Variants in ZNF423 observed in about 807,000 individuals in gnomAD.
The protein encoded by ZNF423 is Ebf-associated zinc finger protein.
ZNF423 carries 12 observed loss-of-function variants against 95.8 expected under a neutral mutation model. The ratio of observed to expected loss-of-function variants is 0.13; its 90% CI spans 0.08 to 0.20. The LOEUF (loss-of-function observed/expected upper bound fraction) is 0.20, where lower values mean the gene tolerates loss of function less well. ZNF423 is among the 10% of genes least tolerant of loss of function. The pLI is 1.00. For synonymous variants in ZNF423, 749 were observed against 711.9 expected (o/e 1.05, Z -0.83); for missense variants, 1,316 against 1,737.1 (o/e 0.76, Z 4.31).
chr16:49,795,967 G>A (rs529313941), intron 1 of ZNF423, among the ~76,000 whole-genome samples: 30 of 152,262 alleles, frequency 2.0e-4, no homozygotes, highest in African/African-American at 5.1e-4. Flanking sequence ...CTTAGAGGGC[G>A]CCTGCTTGGT....
intron 7 of ZNF423, 41 bp downstream of exon 7, chr16:49,523,583 G>T: frequency 6.4e-7 from 1 of 1,553,760 alleles, no homozygotes. Flanking sequence ...GGGGAACCGA[G>T]GACCATCAGG....
In ZNF423 at chr16:49,525,375, C is replaced by T; in HGVS notation, c.3721G>A (p.Val1241Met). Residue 1241 changes from valine to methionine, a missense_variant, in exon 6 of 8, where the codon GTG becomes ATG. Val to Met is a conservative substitution (Grantham distance 21, BLOSUM62 1). Transcript: ENST00000563137. Reference sequence around the variant, plus strand: ...CTGGGTACCTTACCTGTGAAACACACGGGGCATTTGAAGGTGCCGCCCATG... The same window carrying T: ...CTGGGTACCTTACCTGTGAAACACATGGGGCATTTGAAGGTGCCGCCCATG... The part of the protein sequence containing the change: ...EGMGGTFKCP[V>M]CFTVFVQANK... 1.9e-6 allele frequency: 3 copies of T among 1,614,034 alleles called. No individual in the cohort carries two copies. Among genetic ancestry groups the T allele is most frequent in the East Asian group, 2.2e-5 (1 of 44,884 alleles).
chr16:49,823,269 T>C (rs1042373370), intron 1 of ZNF423, among the ~76,000 whole-genome samples: 1 of 152,246 alleles, frequency 6.6e-6, no homozygotes, highest in Non-Finnish European at 1.5e-5. Context: ...GGGCTTCTGT[T>C]CAGAGCAACC....
intron 7 of ZNF423, among the ~76,000 whole-genome samples, chr16:49,494,554 G>T (rs1967086593): frequency 6.6e-6 from 1 of 152,228 alleles, no homozygotes; most frequent in African/African-American, 2.4e-5. Flanking sequence ...GGGATTAATG[G>T]TGCAGCTGGC....
At chr16:49,700,349 T>C (rs1332045712) in intron 3 of ZNF423, among the ~76,000 whole-genome samples, 1 of 152,120 alleles carries the variant, frequency 6.6e-6, no homozygotes, top group Non-Finnish European at 1.5e-5. Context: ...CTCCCTGCCC[T>C]CTCCGTCTCC....
Position 49,637,944 on chromosome 16 carries a change from C to G in ZNF423, c.1232G>C (p.Gly411Ala), listed in dbSNP as rs751726178. The G allele has an allele frequency of 6.2e-7, 1 of 1,614,118 alleles. No homozygotes were observed. The highest frequency in any genetic ancestry group is 8.5e-7 in the Non-Finnish European group (1 of 1,180,034). ...GQKKMRDDGQ[G>A]WTKVVYSCPY... Reference sequence around the variant, plus strand: ...GCAGCTATAGACCACCTTGGTCCAGCCCTGCCCGTCATCCCGCATCTTCTT... The same window carrying G: ...GCAGCTATAGACCACCTTGGTCCAGGCCTGCCCGTCATCCCGCATCTTCTT... Residue 411 changes from glycine to alanine, a missense_variant, in exon 4 of 8, where the codon GGC (glycine) becomes GCC (alanine). Physicochemically the swap from Gly to Ala is moderately conservative, Grantham distance 60 (BLOSUM62 0). Around this residue, in one of 6 missense-constraint regions of ZNF423, gnomAD observed 399 missense variants for 478.5 expected, o/e 0.83. Coordinates refer to ENST00000563137, the MANE Select transcript of ZNF423 (RefSeq NM_001379286.1). The surrounding 1 kb of genome is among the most constrained non-coding windows in gnomAD (Gnocchi z 5.6).
rs10597628 is a variant in ZNF423, at chr16:49,514,185, A to AACACACAC, written c.3849+9431_3849+9438dup. On this transcript the variant is annotated intron_variant, in intron 7 of 7. Coordinates refer to ENST00000563137, the MANE Select transcript of ZNF423 (RefSeq NM_001379286.1). ...AAATGCCAGCCTTTCCTGACCACCC[A>AACACACAC]ACACACACACACACACACACACACA... Among the ~76,000 whole-genome samples the AACACACAC allele has an allele frequency of 7.0e-3, 997 of 142,990 alleles. 15 individuals are homozygous for AACACACAC. Among genetic ancestry groups the AACACACAC allele is most frequent in the African/African-American group, 0.022 (822 of 37,288 alleles). The allele number at this position is 142,990 out of a possible 152,430, so 93.8% of individuals were successfully genotyped here.
chr16:49,522,313 G>A (rs1214155157), intron 7 of ZNF423, among the ~76,000 whole-genome samples: 3 of 152,176 alleles, frequency 2.0e-5, no homozygotes, highest in East Asian at 1.9e-4. Flanking sequence ...GAGAGAAGGT[G>A]GCGTGCATCA....
At chr16:49,516,843 G>A (rs1049455263) in intron 7 of ZNF423, among the ~76,000 whole-genome samples, 1 of 152,198 alleles carries the variant, frequency 6.6e-6, no homozygotes, top group African/African-American at 2.4e-5. Context: ...CCCCTCCAGG[G>A]ATCTAGCACC....
intron 1 of ZNF423, chr16:49,854,811 C>T (rs2035340879): frequency 2.0e-6 from 2 of 985,370 alleles, no homozygotes; most frequent in Non-Finnish European, 2.4e-6. Context: ...GAAAGCAAAG[C>T]GTGGAGACGA....
chr16:49,696,247 G>C (rs920640158), intron 3 of ZNF423, among the ~76,000 whole-genome samples: 3 of 152,200 alleles, frequency 2.0e-5, no homozygotes, highest in African/African-American at 7.2e-5. Context: ...AGGTAGAAAA[G>C]TCATTGCGAT....
At chr16:49,611,828 A>C (rs1971733671) in intron 5 of ZNF423, among the ~76,000 whole-genome samples, 1 of 152,038 alleles carries the variant, frequency 6.6e-6, no homozygotes, top group African/African-American at 2.4e-5. Flanking sequence ...TACAGACATC[A>C]AAAGAATAAT....
chr16:49,855,532 G>GCCGCCGCCGCCT lies in ZNF423; in HGVS notation c.40+202_40+203insAGGCGGCGGCGG, dbSNP rs1251033521. Reference sequence around the variant, plus strand: ...CCCCTCCGCCGCCGCCGCCGCCGCCGCCGCCTCCGCCTCCTGCTCCCGGCT... The same window carrying GCCGCCGCCGCCT: ...CCCCTCCGCCGCCGCCGCCGCCGCCGCCGCCGCCGCCTCCGCCTCCGCCTCCTGCTCCCGGCT... On this transcript the variant is annotated intron_variant, in intron 1 of 7. Transcript: ENST00000563137. The surrounding 1 kb of genome is among the most constrained non-coding windows in gnomAD (Gnocchi z 4.7). 2.7e-4 allele frequency among the ~76,000 whole-genome samples: 36 copies of GCCGCCGCCGCCT among 134,102 alleles called. No homozygotes were observed. Among genetic ancestry groups the GCCGCCGCCGCCT allele is most frequent in the African/African-American group, 6.2e-4 (24 of 38,654 alleles). 88.0% of individuals were successfully genotyped at this position (134,102 alleles called of 152,430 possible).
chr16:49,504,321 C>T (rs9930413), intron 7 of ZNF423, among the ~76,000 whole-genome samples: 68,639 of 152,068 alleles, frequency 0.45, 16,890 homozygotes, highest in African/African-American at 0.67. Context: ...ATCCCAGCAC[C>T]TTGGGAGGCC....
intron 5 of ZNF423, among the ~76,000 whole-genome samples, chr16:49,561,976 C>T (rs1970030719): frequency 6.6e-6 from 1 of 152,152 alleles, no homozygotes; most frequent in African/African-American, 2.4e-5. Flanking sequence ...ACCAGTTTAT[C>T]AGATTATTAT....
At chr16:49,666,157 C>T (rs1195121724) in intron 3 of ZNF423, among the ~76,000 whole-genome samples, 2 of 152,214 alleles carry the variant, frequency 1.3e-5, no homozygotes, top group African/African-American at 2.4e-5. Flanking sequence ...CTCCCAGCTT[C>T]GTCCCTTTGA....
chr16:49,792,018 A>AAAAG (rs60889736), intron 1 of ZNF423, among the ~76,000 whole-genome samples: 13,333 of 137,686 alleles, frequency 0.097, 863 homozygotes, highest in Middle Eastern at 0.17. Context: ...AAAAAAAAAA[A>AAAAG]AAAGAAAGAA....
At chr16:49,633,000 T>G (rs1226412661) in intron 4 of ZNF423, among the ~76,000 whole-genome samples, 1 of 152,182 alleles carries the variant, frequency 6.6e-6, no homozygotes, top group East Asian at 1.9e-4. Context: ...TGAGCACAGC[T>G]GTGACCACCC....
At chr16:49,580,294 T>C (rs1483788087) in intron 5 of ZNF423, among the ~76,000 whole-genome samples, 1 of 152,120 alleles carries the variant, frequency 6.6e-6, no homozygotes, top group African/African-American at 2.4e-5. Context: ...TCTCATCCTT[T>C]AAACCTCAGC....
Sources: gnomAD v4.1 joint callset for allele counts (sites outside exome capture counted in the v4.1 genomes callset) on GRCh38, gnomAD v4.1.1 for gene constraint, gnomAD v4.1.1 regional missense constraint, Gnocchi (gnomAD v3.1) non-coding constraint, MANE v1.5 for transcripts, NCBI Gene and HGNC (gene_info 2026-07-23, HGNC 2026-07-21) for gene names.